The following CUX1 variants were observed in gnomAD, a reference collection of about 807,000 sequenced individuals.
The protein encoded by CUX1 is cut like homeobox 1.
A neutral mutation model predicts 158.8 loss-of-function variants in CUX1; 31 were observed. The observed-to-expected ratio is 0.20, with a 90% confidence interval of 0.15 to 0.26. The LOEUF (loss-of-function observed/expected upper bound fraction) is 0.26. Ranked by LOEUF, CUX1 falls within the 10% of genes least tolerant of loss-of-function variation. The probability of loss-of-function intolerance (pLI) is 1.00; values close to 1 mark genes in which losing one functional copy is unlikely to be tolerated. For missense variants in CUX1, 1,589 were observed against 2,014.6 expected, an observed-to-expected ratio of 0.79 and a Z score of 4.04; for synonymous variants, 879 against 862.1, an observed-to-expected ratio of 1.02 and a Z score of -0.34.
chr7:102,250,555 A>T lies in CUX1; in HGVS notation c.*1513A>T. The T allele has an allele frequency of 1.0e-6, 1 of 985,436 alleles. No homozygotes were observed. Among genetic ancestry groups the T allele is most frequent in the South Asian group, 4.7e-5 (1 of 21,284 alleles). 61.0% of individuals were successfully genotyped at this position (985,436 alleles called of 1,614,324 possible). A position where few individuals can be genotyped will look rare whatever the true frequency, so the allele number is the denominator to read the frequency against. On this transcript the variant is annotated 3_prime_UTR_variant, in exon 24 of 24. Coordinates refer to ENST00000292535, the MANE Select transcript of CUX1 (RefSeq NM_181552.4). ...TTCTCTGCAGGAGAGAGAACGTGGC[A>T]TTCTGGGCTCCCCACTCCCATCCCT... is the stretch of plus-strand genomic sequence containing the variant.
intron 12 of CUX1, among the ~76,000 whole-genome samples, chr7:102,190,730 C>T (rs1275919106): frequency 6.6e-6 from 1 of 152,156 alleles, no homozygotes; most frequent in Non-Finnish European, 1.5e-5. Flanking sequence ...AGGGGTTCCT[C>T]CCTGCCCTTG....
At chr7:102,064,681 G>A (rs1227617495) in intron 3 of CUX1, among the ~76,000 whole-genome samples, 5 of 152,064 alleles carry the variant, frequency 3.3e-5, no homozygotes, top group African/African-American at 1.2e-4. Context: ...GACACCTGGG[G>A]GGAAGCTGTT....
At chr7:102,162,827 T>TC (rs1790600040) in intron 9 of CUX1, among the ~76,000 whole-genome samples, 1 of 152,120 alleles carries the variant, frequency 6.6e-6, no homozygotes, top group Non-Finnish European at 1.5e-5. Flanking sequence ...GGAAGCTTAT[T>TC]CCCAGTGGTC....
chr7:102,045,439 C>T (rs1410650885), intron 3 of CUX1, among the ~76,000 whole-genome samples: 1 of 152,238 alleles, frequency 6.6e-6, no homozygotes, highest in Non-Finnish European at 1.5e-5. Context: ...ACTGCGCCCG[C>T]GCGCCCCCTC....
At chr7:102,232,992 C>T (rs533055804) in intron 21 of CUX1, among the ~76,000 whole-genome samples, 1 of 152,226 alleles carries the variant, frequency 6.6e-6, no homozygotes, top group African/African-American at 2.4e-5. Context: ...GTTTTCTCAG[C>T]GAGACCTGAT....
At chr7:101,948,910 G>A (rs1554429081) in intron 2 of CUX1, among the ~76,000 whole-genome samples, 1 of 152,234 alleles carries the variant, frequency 6.6e-6, no homozygotes, top group Non-Finnish European at 1.5e-5. Flanking sequence ...AAGTGTGTCT[G>A]AGTATGGCCC....
intron 1 of CUX1, among the ~76,000 whole-genome samples, chr7:101,893,455 C>T (rs1173975414): frequency 4.6e-5 from 7 of 152,138 alleles, no homozygotes; most frequent in Non-Finnish European, 1.0e-4. Context: ...CAGCTCCAGG[C>T]TGTGGTGTGA....
At position 101,955,164 on chromosome 7, in the gene CUX1, C is replaced by CAA. The variant is rs1182966143; in HGVS notation, c.141+38952_141+38953dup. 4.9e-4 allele frequency among the ~76,000 whole-genome samples: 65 copies of CAA among 133,354 alleles called. 1 individual carries two copies. Among genetic ancestry groups the CAA allele is most frequent in the South Asian group, 2.4e-3 (10 of 4,162 alleles). The allele number at this position is 133,354 out of a possible 152,430, so 87.5% of individuals were successfully genotyped here. The stretch of plus-strand genomic sequence containing the variant: ...TGGGTGACAGAGACAGATTCAGTCT[C>CAA]AAAAAAAAAAAAAATGCAGGTTCAA... On this transcript the variant is annotated intron_variant, in intron 2 of 23. Transcript: ENST00000292535.
At chr7:101,940,258 AG>A (rs1807544274) in intron 2 of CUX1, among the ~76,000 whole-genome samples, 1 of 140,720 alleles carries the variant, frequency 7.1e-6, no homozygotes, top group Admixed American at 7.1e-5. Context: ...AAAAAAAAAG[AG>A]GAGGTTTTAA....
chr7:102,094,986 A>G (rs1375097289), intron 4 of CUX1, among the ~76,000 whole-genome samples: 1 of 151,496 alleles, frequency 6.6e-6, no homozygotes, highest in Non-Finnish European at 1.5e-5. Flanking sequence ...ACAAAGAACC[A>G]TCTCCCCAAG....
intron 2 of CUX1, among the ~76,000 whole-genome samples, chr7:101,994,697 G>A (rs533595547): frequency 2.0e-5 from 3 of 152,188 alleles, no homozygotes; most frequent in African/African-American, 7.2e-5. Flanking sequence ...TGTCACCTTC[G>A]GGAATCTGCT....
intron 10 of CUX1, among the ~76,000 whole-genome samples, chr7:102,171,421 C>A (rs1791702889): frequency 6.6e-6 from 1 of 151,256 alleles, no homozygotes; most frequent in Non-Finnish European, 1.5e-5. Context: ...ACCATTATCT[C>A]TGATCCCTCA....
intron 2 of CUX1, among the ~76,000 whole-genome samples, chr7:102,016,331 T>C (rs576503750): frequency 2.6e-5 from 4 of 152,348 alleles, no homozygotes; most frequent in African/African-American, 9.6e-5. Context: ...CTGGTGGTGA[T>C]TTGACTCATG....
At chr7:102,078,879 A>C (rs1827063739) in intron 4 of CUX1, among the ~76,000 whole-genome samples, 1 of 152,038 alleles carries the variant, frequency 6.6e-6, no homozygotes, top group Admixed American at 6.6e-5. Context: ...TTCATTTTGG[A>C]TGTAGGAAAA....
chr7:102,069,084 G>A (rs902431475), intron 3 of CUX1, among the ~76,000 whole-genome samples: 9 of 152,128 alleles, frequency 5.9e-5, no homozygotes, highest in African/African-American at 9.7e-5. Context: ...TGTGTGTGTC[G>A]CTGATCTCTC....
At chr7:102,141,486 C>T (rs1219567696) in intron 8 of CUX1, among the ~76,000 whole-genome samples, 12 of 152,182 alleles carry the variant, frequency 7.9e-5, no homozygotes, top group African/African-American at 2.9e-4. Context: ...GGATTTGGGA[C>T]CTGAGCCAGG....
chr7:102,108,731 TCA>T (rs1830607056), intron 6 of CUX1, among the ~76,000 whole-genome samples: 1 of 142,708 alleles, frequency 7.0e-6, no homozygotes, highest in Non-Finnish European at 1.5e-5. Context: ...TTTACTTCAT[TCA>T]TTTTGTGTGT....
upstream of CUX1, chr7:101,817,218 C>A: frequency 1.0e-6 from 1 of 984,470 alleles, no homozygotes; most frequent in Non-Finnish European, 1.2e-6. The surrounding 1 kb of genome is among the most constrained non-coding windows in gnomAD (Gnocchi z 4.1). Context: ...GCTGCCTCCC[C>A]GCCGCCGGTC....
intron 6 of CUX1, among the ~76,000 whole-genome samples, chr7:102,105,046 G>A (rs1313926946): frequency 3.3e-5 from 5 of 152,192 alleles, no homozygotes; most frequent in African/African-American, 4.8e-5. Context: ...TTAGCAAGGC[G>A]GCACCTGGCA....
Sources: gnomAD v4.1 joint callset for allele counts (sites outside exome capture counted in the v4.1 genomes callset) on GRCh38, gnomAD v4.1.1 for gene constraint, Gnocchi (gnomAD v3.1) non-coding constraint, MANE v1.5 for transcripts, NCBI Gene and HGNC (gene_info 2026-07-23, HGNC 2026-07-21) for gene names.